Variants in SLC10A7 observed in about 807,000 individuals in gnomAD.
The protein encoded by SLC10A7 is sodium/bile acid cotransporter 7.
Under a neutral mutation model 43.2 loss-of-function variants are expected in SLC10A7, and 29 were observed. That is an observed-to-expected ratio of 0.67 (90% CI 0.50 to 0.92). The LOEUF is 0.92. Among genes scored for constraint, SLC10A7 ranks in the 40% least tolerant of loss-of-function variants. SLC10A7 has a pLI of 0.00. For missense variants in SLC10A7, 295 were observed against 403.2 expected (o/e 0.73, Z 2.30); for synonymous variants, 152 against 144.8 (o/e 1.05, Z -0.35).
chr4:146,367,993 T>C (rs776378247), intron 5 of SLC10A7, among the ~76,000 whole-genome samples: 1 of 152,184 alleles, frequency 6.6e-6, no homozygotes, highest in Non-Finnish European at 1.5e-5. Flanking sequence ...ACACTGACCC[T>C]CTTGCCCAGT....
At chr4:146,409,450 C>A (rs1347057646) in intron 5 of SLC10A7, among the ~76,000 whole-genome samples, 2 of 151,444 alleles carry the variant, frequency 1.3e-5, no homozygotes. Flanking sequence ...TCAGTGGTTG[C>A]CAAGGGCTGG....
chr4:146,322,998 CTGTTGGCTGCATAAA>C (rs1732840031), intron 6 of SLC10A7, among the ~76,000 whole-genome samples: 1 of 152,130 alleles, frequency 6.6e-6, no homozygotes, highest in Admixed American at 6.5e-5. Context: ...TTTCATGTGT[CTGTTGGCTGCATAAA>C]TGTTTTCTTC....
At chr4:146,355,761 C>T (rs1383092948) in intron 5 of SLC10A7, among the ~76,000 whole-genome samples, 62 of 148,824 alleles carry the variant, frequency 4.2e-4, no homozygotes, top group African/African-American at 1.3e-3. Flanking sequence ...AAATTGGAAA[C>T]CATCATTCTC....
chr4:146,471,268 T>C (rs1165997349), intron 4 of SLC10A7, among the ~76,000 whole-genome samples: 1 of 152,188 alleles, frequency 6.6e-6, no homozygotes, highest in Non-Finnish European at 1.5e-5. Flanking sequence ...GTTACATACA[T>C]AGGGACAGTC....
intron 5 of SLC10A7, among the ~76,000 whole-genome samples, chr4:146,415,410 C>A (rs1728494212): frequency 6.6e-6 from 1 of 152,184 alleles, no homozygotes. Flanking sequence ...GGAGTATTTA[C>A]TACCATTTTA....
At chr4:146,325,099 T>A (rs916008065) in intron 6 of SLC10A7, among the ~76,000 whole-genome samples, 1 of 152,168 alleles carries the variant, frequency 6.6e-6, no homozygotes, top group African/African-American at 2.4e-5. Flanking sequence ...ATTAAATAAA[T>A]TTTCCCCATA....
chr4:146,371,926 T>G (rs1736809165), intron 5 of SLC10A7, among the ~76,000 whole-genome samples: 1 of 152,186 alleles, frequency 6.6e-6, no homozygotes, highest in South Asian at 2.1e-4. Context: ...GTTATCAGAA[T>G]GGTATTTCTC....
chr4:146,442,628 A>G (rs1269223077), intron 5 of SLC10A7, 155 bp downstream of exon 5: 14 of 1,473,258 alleles, frequency 9.5e-6, no homozygotes, highest in Non-Finnish European at 1.2e-5. Context: ...TTCATTAACT[A>G]CTTTTCTTCA....
At chr4:146,445,444 G>GC (rs1279585835) in intron 4 of SLC10A7, among the ~76,000 whole-genome samples, 6 of 152,316 alleles carry the variant, frequency 3.9e-5, no homozygotes, top group Admixed American at 3.3e-4. Flanking sequence ...CAGACCCGCG[G>GC]CAGTGTCCAA....
At chr4:146,458,335 T>TA (rs1312274250) in intron 4 of SLC10A7, among the ~76,000 whole-genome samples, 2 of 151,640 alleles carry the variant, frequency 1.3e-5, no homozygotes. Context: ...CTGCCTCATA[T>TA]AAAAAACCAA....
intron 5 of SLC10A7, among the ~76,000 whole-genome samples, chr4:146,336,142 G>T (rs1733881922): frequency 6.6e-6 from 1 of 152,008 alleles, no homozygotes; most frequent in South Asian, 2.1e-4. Flanking sequence ...GCCTTTGCAG[G>T]GACACTTCTG....
intron 4 of SLC10A7, among the ~76,000 whole-genome samples, chr4:146,489,345 T>C (rs1211430315): frequency 6.6e-6 from 1 of 152,234 alleles, no homozygotes; most frequent in Non-Finnish European, 1.5e-5. Context: ...GTGCCTGAGT[T>C]GACATCTTCA....
chr4:146,377,090 C>G (rs1737253871), intron 5 of SLC10A7, among the ~76,000 whole-genome samples: 1 of 66,872 alleles, frequency 1.5e-5, no homozygotes, highest in Admixed American at 1.5e-4. Context: ...ATGTAAAGTA[C>G]ATTTTTTTTT....
At chr4:146,400,197 T>C (rs1045681591) in intron 5 of SLC10A7, among the ~76,000 whole-genome samples, 6 of 152,246 alleles carry the variant, frequency 3.9e-5, no homozygotes, top group Admixed American at 2.0e-4. Context: ...CCAAGTGTTT[T>C]TGTAAGATGA....
chr4:146,370,283 T>TA (rs1408709202), intron 5 of SLC10A7, among the ~76,000 whole-genome samples: 2 of 152,008 alleles, frequency 1.3e-5, no homozygotes, highest in Admixed American at 6.6e-5. Flanking sequence ...ACACAAGTAA[T>TA]AAAAAAAATC....
chr4:146,391,322 C>A (rs1738411654), intron 5 of SLC10A7, among the ~76,000 whole-genome samples: 3 of 152,122 alleles, frequency 2.0e-5, no homozygotes, highest in Admixed American at 2.0e-4. Flanking sequence ...TGTCAGGTCT[C>A]CATTTGTGAT....
intron 4 of SLC10A7, among the ~76,000 whole-genome samples, chr4:146,485,504 T>A (rs1049172521): frequency 6.6e-6 from 1 of 152,164 alleles, no homozygotes; most frequent in Admixed American, 6.5e-5. Flanking sequence ...GGAGTCCCAG[T>A]AGGCCCTGGA....
In SLC10A7 at chr4:146,255,257, T is replaced by C. The variant is rs1727832613; in HGVS notation, c.*1234A>G. On this transcript the variant is annotated 3_prime_UTR_variant, in exon 12 of 12. Coordinates refer to ENST00000335472, the MANE Select transcript of SLC10A7 (RefSeq NM_001029998.6). ...GGTCCAGTTACAGTTCTTGCAGCTA[T>C]AGCAGAAGCAAATATTGGACACTCA... 1 of 152,618 alleles carries C rather than the reference T, an allele frequency of 6.6e-6. No individual in the cohort carries two copies. Among genetic ancestry groups the C allele is most frequent in the Non-Finnish European group, 1.5e-5 (1 of 68,026 alleles). The allele number at this position is 152,618 out of a possible 1,614,324, so 9.5% of individuals were successfully genotyped here.
chr4:146,497,792 A>AT (rs1187027270), intron 4 of SLC10A7, among the ~76,000 whole-genome samples: 4 of 151,862 alleles, frequency 2.6e-5, no homozygotes, highest in South Asian at 2.1e-4. Context: ...GTTTCTTTAA[A>AT]TTTTTTTTTC....
Sources: allele counts gnomAD v4.1 joint callset (sites outside exome capture counted in the v4.1 genomes callset), GRCh38; gene constraint gnomAD v4.1.1; transcripts MANE v1.5; gene names NCBI Gene and HGNC (gene_info 2026-07-23, HGNC 2026-07-21).